The following MYO16 variants were observed in gnomAD, a reference collection of about 807,000 sequenced individuals.
MYO16 encodes unconventional myosin-XVI.
MYO16 carries 94 observed loss-of-function variants against 205.3 expected under a neutral mutation model. That is an observed-to-expected ratio of 0.46 (90% CI 0.39 to 0.54). The LOEUF is 0.54. Among genes scored for constraint, MYO16 ranks in the 20% least tolerant of loss-of-function variants. The pLI is 0.00. For missense variants in MYO16, 2,315 were observed against 2,387.5 expected (o/e 0.97, Z 0.63); for synonymous variants, 988 against 954.0 (o/e 1.04, Z -0.66).
chr13:108,885,067 G>A (rs971912710), intron 13 of MYO16, among the ~76,000 whole-genome samples: 4 of 152,114 alleles, frequency 2.6e-5, no homozygotes, highest in Non-Finnish European at 4.4e-5. Context: ...TGAGGTGGGG[G>A]CTCCAACCCA....
chr13:108,654,229 C>T (rs971544162), intron 1 of MYO16, among the ~76,000 whole-genome samples: 3 of 152,152 alleles, frequency 2.0e-5, no homozygotes, highest in Admixed American at 1.3e-4. Flanking sequence ...ACCCAGTTCT[C>T]ATCTTGAATT....
chr13:109,110,111 C>A (rs1330595362), intron 28 of MYO16, among the ~76,000 whole-genome samples: 1 of 152,204 alleles, frequency 6.6e-6, no homozygotes, highest in East Asian at 1.9e-4. Flanking sequence ...TCCCATGGGG[C>A]AAACCATTAT....
chr13:109,140,392 G>A lies in MYO16; in HGVS notation c.4180G>A (p.Gly1394Arg), dbSNP rs1263914367. 2.4e-5 allele frequency: 38 copies of A among 1,594,056 alleles called. No homozygotes were observed. The highest frequency in any genetic ancestry group is 3.3e-4 in the Middle Eastern group (2 of 6,020). The stretch of plus-strand genomic sequence containing the variant: ...CGAGGAGATATCGGGGTCCCGGCCC[G>A]GGGACGCGAGGCCCGCGGGCGCCCC... ...SYEEISGSRP[G>R]DARPAGAPGA... Residue 1394 changes from glycine (G) to arginine (R), a missense_variant, in exon 32 of 35, where the codon GGG becomes AGG. Gly to Arg is a moderately radical substitution (Grantham distance 125). This residue lies in a region of MYO16 where 1,097 missense variants were observed against 1,092.0 expected (regional missense o/e 1.00). Coordinates refer to ENST00000457511, the MANE Select transcript of MYO16 (RefSeq NM_001198950.3). The surrounding 1 kb of genome is among the most constrained non-coding windows in gnomAD (Gnocchi z 8.0).
upstream of MYO16, among the ~76,000 whole-genome samples, chr13:108,625,525 G>A (rs558242021): frequency 2.0e-5 from 3 of 152,286 alleles, no homozygotes; most frequent in South Asian, 6.2e-4. Context: ...GTTCCCAGGA[G>A]AGGTCTTGAC....
upstream of MYO16, among the ~76,000 whole-genome samples, chr13:108,595,971 A>G (rs1878543572): frequency 6.7e-6 from 1 of 149,388 alleles, no homozygotes. Context: ...TCATAAAAGG[A>G]CAGCAGCCAA....
At chr13:109,039,079 T>A (rs1269426835) in intron 23 of MYO16, among the ~76,000 whole-genome samples, 1 of 152,148 alleles carries the variant, frequency 6.6e-6, no homozygotes, top group Non-Finnish European at 1.5e-5. Flanking sequence ...GGAGGCTTAG[T>A]GGAGAGGTAG....
At chr13:109,081,910 T>C (rs1203438552) in intron 27 of MYO16, among the ~76,000 whole-genome samples, 1 of 152,206 alleles carries the variant, frequency 6.6e-6, no homozygotes, top group African/African-American at 2.4e-5. Flanking sequence ...AAACTTCAGC[T>C]GACGGGCCAA....
At chr13:109,021,863 G>A (rs1464619829) in intron 23 of MYO16, among the ~76,000 whole-genome samples, 3 of 151,776 alleles carry the variant, frequency 2.0e-5, no homozygotes, top group Admixed American at 6.6e-5. Context: ...AAACAAAAAA[G>A]CAGAGGGCCT....
chr13:108,869,088 C>T (rs1164247108), intron 12 of MYO16, among the ~76,000 whole-genome samples: 2 of 152,090 alleles, frequency 1.3e-5, no homozygotes, highest in Non-Finnish European at 2.9e-5. Flanking sequence ...CAAATTTGCC[C>T]TAGCAATTAA....
chr13:109,013,108 T>TCCCCCCCCCCCCCCCCCCC (rs1177754621), intron 22 of MYO16, among the ~76,000 whole-genome samples: 12 of 32,606 alleles, frequency 3.7e-4, no homozygotes, highest in East Asian at 1.9e-3. Flanking sequence ...ATGCTACCCC[T>TCCCCCCCCCCCCCCCCCCC]CCCCCACCCC....
chr13:108,721,757 G>A (rs2139572037), intron 3 of MYO16, among the ~76,000 whole-genome samples: 1 of 151,436 alleles, frequency 6.6e-6, no homozygotes, highest in South Asian at 2.1e-4. Flanking sequence ...GGAAGAATAA[G>A]TTTCCCTACA....
intron 4 of MYO16, among the ~76,000 whole-genome samples, chr13:108,749,389 G>A (rs7989895): frequency 0.45 from 68,290 of 151,930 alleles, 15,489 homozygotes; most frequent in East Asian, 0.55. Flanking sequence ...ACTTATAGCT[G>A]AAATATACAA....
chr13:109,193,308 T>A (rs1880006631), intron 34 of MYO16, among the ~76,000 whole-genome samples: 2 of 152,210 alleles, frequency 1.3e-5, no homozygotes. Context: ...ATTTTCTGAG[T>A]GCATTTATTA....
intron 11 of MYO16, among the ~76,000 whole-genome samples, chr13:108,856,987 A>C (rs1384510270): frequency 6.6e-6 from 1 of 152,210 alleles, no homozygotes; most frequent in Non-Finnish European, 1.5e-5. Flanking sequence ...CAGAGGCTAG[A>C]ATCCTCATGA....
At chr13:108,802,680 T>C (rs549375504) in intron 6 of MYO16, among the ~76,000 whole-genome samples, 5 of 152,322 alleles carry the variant, frequency 3.3e-5, no homozygotes, top group African/African-American at 1.2e-4. Flanking sequence ...TGTGCTAACT[T>C]ACATTTCTAC....
At chr13:109,129,064 G>A (rs893044065) in intron 31 of MYO16, among the ~76,000 whole-genome samples, 7 of 148,958 alleles carry the variant, frequency 4.7e-5, no homozygotes, top group Admixed American at 1.3e-4. Context: ...GAGCCACTGC[G>A]CCAGGCCTTT....
the MYO16 span, among the ~76,000 whole-genome samples, chr13:108,501,440 T>C: frequency 6.6e-6 from 1 of 152,172 alleles, no homozygotes; most frequent in African/African-American, 2.4e-5. Flanking sequence ...CTCCCTTCCA[T>C]AAAAGACATC....
chr13:108,705,027 C>T (rs1430693862), intron 2 of MYO16, among the ~76,000 whole-genome samples: 1 of 152,006 alleles, frequency 6.6e-6, no homozygotes, highest in Non-Finnish European at 1.5e-5. Flanking sequence ...ATAGTGCCCC[C>T]TTACCCATGA....
At chr13:109,131,078 A>C (rs952636815) in intron 31 of MYO16, among the ~76,000 whole-genome samples, 9 of 152,188 alleles carry the variant, frequency 5.9e-5, no homozygotes, top group Non-Finnish European at 1.0e-4. Context: ...GTCAAAAGAT[A>C]GGAAGACCAT....
Sources: gnomAD v4.1 joint callset for allele counts (sites outside exome capture counted in the v4.1 genomes callset) on GRCh38, gnomAD v4.1.1 for gene constraint, gnomAD v4.1.1 regional missense constraint, Gnocchi (gnomAD v3.1) non-coding constraint, MANE v1.5 for transcripts, NCBI Gene and HGNC (gene_info 2026-07-23, HGNC 2026-07-21) for gene names.